Variants in ADGRG5 observed in about 807,000 individuals in gnomAD.
ADGRG5 encodes G protein-coupled receptor 114.
Under a neutral mutation model 53.2 loss-of-function variants are expected in ADGRG5, and 37 were observed. The ratio of observed to expected loss-of-function variants is 0.70; its 90% confidence interval spans 0.53 to 0.91. The LOEUF (loss-of-function observed/expected upper bound fraction) is 0.91, where lower values mean the gene tolerates loss of function less well. ADGRG5 is among the 40% of genes least tolerant of loss of function. The probability of loss-of-function intolerance (pLI) is 0.00; values close to 1 mark genes in which losing one functional copy is unlikely to be tolerated. For synonymous variants in ADGRG5, 277 were observed against 290.4 expected, an observed-to-expected ratio of 0.95 and a Z score of 0.47; for missense variants, 614 against 675.8, an observed-to-expected ratio of 0.91 and a Z score of 1.01.
Position 57,574,885 on chromosome 16 carries a change from A to G in ADGRG5, c.1279A>G (p.Asn427Asp), listed in dbSNP as rs150321395. Residue 427 changes from asparagine to aspartate, a missense_variant, in exon 11 of 12, where the codon AAC (asparagine) becomes GAC (aspartate). Coordinates refer to ENST00000349457, the MANE Select transcript of ADGRG5 (RefSeq NM_001304376.3). The surrounding 1 kb of genome is among the most constrained non-coding windows in gnomAD (Gnocchi z 4.4). ...CTACGGCGGCCTCACGTCCCTCTTC[A>G]ACCTGGTGGTGCTGGCCTGGGCGCT... is the stretch of plus-strand genomic sequence containing the variant. ...MGYGGLTSLFNLVVLAWALWT... is the reference protein window; with the variant it reads ...MGYGGLTSLFDLVVLAWALWT... 13 of 1,612,294 alleles carry G rather than the reference A, an allele frequency of 8.1e-6. No individual in the cohort carries two copies. In the African/African-American group the frequency reaches 1.7e-4, roughly 21 times the overall value.
intron 10 of ADGRG5, among the ~76,000 whole-genome samples, chr16:57,572,416 A>T (rs775870710): frequency 1.3e-5 from 2 of 152,234 alleles, no homozygotes; most frequent in Non-Finnish European, 2.9e-5. Flanking sequence ...TGGAGCTTGC[A>T]GTGAGCTGAG....
Position 57,563,860 on chromosome 16 carries a change from C to G in ADGRG5, c.310C>G (p.His104Asp). 6.2e-7 allele frequency: 1 copy of G among 1,613,866 alleles called. No individual in the cohort carries two copies. The highest frequency in any genetic ancestry group is 8.5e-7 in the Non-Finnish European group (1 of 1,179,990). ...CGACCCTCTGCAGGCAGGAGGTCAGCATGCCCGGGGTCAGCACGCCATGCA... is the reference window on the plus strand; with the variant it reads ...CGACCCTCTGCAGGCAGGAGGTCAGGATGCCCGGGGTCAGCACGCCATGCA... ...LKRVPQAGGQ[H>D]ARGQHAMQFP... Residue 104 changes from histidine (H) to aspartate (D), a missense_variant, in exon 5 of 12, where the codon CAT becomes GAT. Coordinates refer to ENST00000349457, the MANE Select transcript of ADGRG5 (RefSeq NM_001304376.3).
chr16:57,560,379 G>T (rs1304126741), intron 1 of ADGRG5, among the ~76,000 whole-genome samples: 1 of 152,248 alleles, frequency 6.6e-6, no homozygotes, highest in Non-Finnish European at 1.5e-5. Context: ...CAAGAGAGGA[G>T]CACTAAAAAC....
In ADGRG5 at chr16:57,561,679, C is replaced by T. The variant is rs139164015; in HGVS notation, c.-38-377C>T. ...AGGAGAGACAGATCCTACCCAAAGC[C>T]GCACGATGAGTTAATGGCAGGGCTG... is the stretch of plus-strand genomic sequence containing the variant. On this transcript the variant is annotated intron_variant, in intron 1 of 11. Coordinates refer to ENST00000349457, the MANE Select transcript of ADGRG5 (RefSeq NM_001304376.3). Among the ~76,000 whole-genome samples, 496 of 152,262 alleles carry T rather than the reference C, an allele frequency of 3.3e-3. 1 individual carries two copies. The highest frequency in any genetic ancestry group is 5.6e-3 in the Non-Finnish European group (378 of 68,016).
At chr16:57,544,457 A>G (rs552870027) in intron 1 of ADGRG5, among the ~76,000 whole-genome samples, 2 of 152,250 alleles carry the variant, frequency 1.3e-5, no homozygotes, top group Non-Finnish European at 2.9e-5. Flanking sequence ...GGTGGAAACC[A>G]CAGCTTCTAT....
rs1399347563 is a variant in ADGRG5 at position 57,562,092 on chromosome 16, G to T, written c.-2G>T. On this transcript the variant is annotated 5_prime_UTR_variant, in exon 2 of 12. Transcript: ENST00000349457. The stretch of plus-strand genomic sequence containing the variant: ...GTTCTTGGAGGAGACTCTGCACAGG[G>T]CATGGATCACTGTGGTGCCCTTTTC... 1 of 1,583,430 alleles carries T rather than the reference G, an allele frequency of 6.3e-7. No homozygotes were observed. Among genetic ancestry groups the T allele is most frequent in the East Asian group, 2.3e-5 (1 of 44,236 alleles).
intron 1 of ADGRG5, among the ~76,000 whole-genome samples, chr16:57,544,345 C>T (rs2032565320): frequency 2.6e-5 from 4 of 152,062 alleles, no homozygotes; most frequent in South Asian, 2.1e-4. Flanking sequence ...AATGGCTCAG[C>T]GTGTGGGGGG....
chr16:57,575,027 T>G lies in ADGRG5; in HGVS notation c.1421T>G (p.Phe474Cys). 1 of 1,614,050 alleles carries G rather than the reference T, an allele frequency of 6.2e-7. No individual in the cohort carries two copies. Among genetic ancestry groups the G allele is most frequent in the Non-Finnish European group, 8.5e-7 (1 of 1,180,010 alleles). Residue 474 changes from phenylalanine (F) to cysteine (C), a missense_variant, in exon 11 of 12, where the codon TTC (phenylalanine) becomes TGC (cysteine). Phe to Cys is a radical substitution (Grantham distance 205). Coordinates refer to ENST00000349457, the MANE Select transcript of ADGRG5 (RefSeq NM_001304376.3). ...VLLGTTWALAFFSFGVFLLPQ... is the reference protein window; with the variant it reads ...VLLGTTWALACFSFGVFLLPQ... ...CTGGGAACCACCTGGGCCTTGGCCT[T>G]CTTTTCTTTTGGCGTCTTCCTGCTG...
At position 57,567,571 on chromosome 16, in the gene ADGRG5, C is replaced by G; in HGVS notation, c.801C>G (p.Val267=). ...SISIVASLIT[V]LLHFHFRKQS... ...CCATCGTGGCCTCGCTGATCACAGT[C>G]CTGCTGCACTTCCATTTCAGGTATT... Residue 267 remains valine, a synonymous_variant, in exon 8 of 12, where the codon GTC becomes GTG. Coordinates refer to ENST00000349457, the MANE Select transcript of ADGRG5 (RefSeq NM_001304376.3). 6.2e-7 allele frequency: 1 copy of G among 1,611,266 alleles called. No individual in the cohort carries two copies. Among genetic ancestry groups the G allele is most frequent in the Non-Finnish European group, 8.5e-7 (1 of 1,179,880 alleles).
the ADGRG5 span, among the ~76,000 whole-genome samples, chr16:57,531,314 T>C: frequency 6.6e-6 from 1 of 151,656 alleles, no homozygotes; most frequent in African/African-American, 2.4e-5. Context: ...CCTCACTCCT[T>C]CCAGCTTTGA....
intron 1 of ADGRG5, among the ~76,000 whole-genome samples, chr16:57,551,589 A>C (rs2032755718): frequency 6.6e-6 from 1 of 152,218 alleles, no homozygotes; most frequent in Non-Finnish European, 1.5e-5. Flanking sequence ...TTCAGGATCC[A>C]CTACTAATTC....
At chr16:57,560,141 C>T (rs1410210110) in intron 1 of ADGRG5, among the ~76,000 whole-genome samples, 2 of 152,186 alleles carry the variant, frequency 1.3e-5, no homozygotes, top group African/African-American at 4.8e-5. Flanking sequence ...CTCCTGCTCC[C>T]TCCGGATGGG....
Position 57,574,503 on chromosome 16 carries a change from G to A in ADGRG5, c.1209-312G>A, listed in dbSNP as rs1263388133. Among the ~76,000 whole-genome samples, 2 of 152,270 alleles carry A rather than the reference G, an allele frequency of 1.3e-5. No individual in the cohort carries two copies. The highest frequency in any genetic ancestry group is 2.4e-5 in the African/African-American group (1 of 41,468). ...TGCCGGCCTTGGGCTGGCCATGGAAGCAGAGAGGAGTGAGATGTGGAAAGG... is the reference window on the plus strand; with the variant it reads ...TGCCGGCCTTGGGCTGGCCATGGAAACAGAGAGGAGTGAGATGTGGAAAGG... On this transcript the variant is annotated intron_variant, in intron 10 of 11. Transcript: ENST00000349457. This position sits in a 1 kb window ranked among gnomAD's most constrained non-coding sequence, Gnocchi z 4.4.
At chr16:57,564,995 T>C in intron 5 of ADGRG5, 39 bp from the exon 6 acceptor site, 1 of 1,269,220 alleles carries the variant, frequency 7.9e-7, no homozygotes, top group Non-Finnish European at 1.1e-6. Context: ...GGCCTCCCCA[T>C]TTCCCCTCCA....
At chr16:57,541,973 C>T (rs1423900295), upstream of ADGRG5, among the ~76,000 whole-genome samples, 1 of 139,408 alleles carries the variant, frequency 7.2e-6, no homozygotes, top group Non-Finnish European at 1.6e-5. Context: ...GGGCCAGGCC[C>T]AGGTCCTCTC....
chr16:57,549,862 A>G (rs531856062), intron 1 of ADGRG5, among the ~76,000 whole-genome samples: 1 of 152,334 alleles, frequency 6.6e-6, no homozygotes, highest in East Asian at 1.9e-4. Flanking sequence ...ACTTTGTATT[A>G]CCATTTTAAT....
At position 57,570,517 on chromosome 16, in the gene ADGRG5, G is replaced by T. The variant is rs147634705; in HGVS notation, c.1190G>T (p.Gly397Val). The change falls in exon 10 of 12, where the codon GGC (glycine) becomes GTC (valine). Residue 397 changes from glycine to valine, a missense_variant. Transcript: ENST00000349457. ...TTCGACAGCTGGGAGAATGGCACAG[G>T]CTTCCAGAACATGTCCATGTGAGTG... ...PVFDSWENGT[G>V]FQNMSICWVR... 1.5e-5 allele frequency: 24 copies of T among 1,612,556 alleles called. No individual in the cohort carries two copies. The East Asian group carries it at 3.3e-4, about 22-fold the overall frequency.
rs139389524 is a variant in ADGRG5, at chr16:57,563,848, G to A, written c.298G>A (p.Ala100Thr). 1.4e-4 allele frequency: 220 copies of A among 1,613,656 alleles called. No homozygotes were observed. In the African/African-American group the frequency reaches 2.5e-3, roughly 19 times the overall value. The change falls in exon 5 of 12, where the codon GCA (alanine) becomes ACA (threonine). Residue 100 changes from alanine (A) to threonine (T), a missense_variant and splice_region_variant. Physicochemically the swap from Ala to Thr is moderately conservative, Grantham distance 58. Transcript: ENST00000349457. The stretch of plus-strand genomic sequence containing the variant: ...ACAGCCTGTTTGCGACCCTCTGCAG[G>A]CAGGAGGTCAGCATGCCCGGGGTCA... ...TSATLKRVPQ[A>T]GGQHARGQHA... is the part of the protein sequence containing the mutation.
the ADGRG5 span, among the ~76,000 whole-genome samples, chr16:57,536,252 T>A: frequency 7.4e-6 from 1 of 135,460 alleles, no homozygotes; most frequent in Non-Finnish European, 1.6e-5. Flanking sequence ...CGGAGGCGCC[T>A]CCCCTCCCCC....
Sources: gnomAD v4.1 joint callset for allele counts (sites outside exome capture counted in the v4.1 genomes callset) on GRCh38, gnomAD v4.1.1 for gene constraint, Gnocchi (gnomAD v3.1) non-coding constraint, MANE v1.5 for transcripts, NCBI Gene and HGNC (gene_info 2026-07-23, HGNC 2026-07-21) for gene names.